KALRN: variants seen among roughly 807,000 people sequenced by gnomAD.
The protein encoded by KALRN is kalirin RhoGEF kinase.
KALRN carries 70 observed loss-of-function variants against 353.7 expected under a neutral mutation model. The observed-to-expected ratio is 0.20, with a 90% CI of 0.16 to 0.24. KALRN has a LOEUF of 0.24. KALRN is among the 10% of genes least tolerant of loss of function. The probability of loss-of-function intolerance (pLI) is 1.00; values close to 1 mark genes in which losing one functional copy is unlikely to be tolerated. For synonymous variants in KALRN, 1,391 were observed against 1,434.8 expected, an observed-to-expected ratio of 0.97 and a Z score of 0.69; for missense variants, 2,791 against 3,756.7, an observed-to-expected ratio of 0.74 and a Z score of 6.72.
intron 21 of KALRN, among the ~76,000 whole-genome samples, 192 bp downstream of exon 21, chr3:124,447,077 G>A (rs913112663): frequency 2.6e-5 from 4 of 152,196 alleles, no homozygotes. Flanking sequence ...CAGCTGCTGG[G>A]TAGAGCAGCT....
intron 10 of KALRN, among the ~76,000 whole-genome samples, chr3:124,377,256 G>A (rs1163890005): frequency 6.6e-6 from 1 of 152,124 alleles, no homozygotes; most frequent in Non-Finnish European, 1.5e-5. Context: ...CTAACACAAT[G>A]CATAGCATAC....
At chr3:124,565,022 CA>C (rs1241640706) in intron 34 of KALRN, among the ~76,000 whole-genome samples, 1 of 152,230 alleles carries the variant, frequency 6.6e-6, no homozygotes, top group Non-Finnish European at 1.5e-5. Flanking sequence ...AGACCTGCTG[CA>C]GGCTTCCTGA....
At chr3:124,341,503 C>G (rs1030861226) in intron 9 of KALRN, among the ~76,000 whole-genome samples, 3 of 152,186 alleles carry the variant, frequency 2.0e-5, no homozygotes, top group Non-Finnish European at 4.4e-5. Flanking sequence ...AACCCATACT[C>G]TTTACATCCC....
intron 1 of KALRN, among the ~76,000 whole-genome samples, chr3:124,203,229 A>G (rs547712696): frequency 6.6e-6 from 1 of 152,242 alleles, no homozygotes; most frequent in East Asian, 1.9e-4. Flanking sequence ...AGGGAGGGAA[A>G]GCTCCCAGGG....
Position 124,128,717 on chromosome 3 carries a change from T to C in KALRN, c.73+94904T>C, listed in dbSNP as rs77015361. On this transcript the variant is annotated intron_variant, in intron 1 of 59. Coordinates refer to ENST00000682506, the MANE Select transcript of KALRN (RefSeq NM_001388419.1). ...AGCTATTTGGAGAAGAAGTGAGCCT[T>C]CTGTAGGGGAGCATTGTAATCCAAG... Among the ~76,000 whole-genome samples the C allele has an allele frequency of 1.4e-3, 207 of 152,206 alleles. 2 individuals are homozygous for C. The East Asian group carries it at 0.035, about 26-fold the overall frequency.
intron 33 of KALRN, chr3:124,518,383 G>C (rs369270229): frequency 6.2e-7 from 1 of 1,608,404 alleles, no homozygotes; most frequent in East Asian, 2.2e-5. Flanking sequence ...CACAGAGCCC[G>C]GCCCTTTTCT....
chr3:124,541,197 C>T (rs1238026225), intron 33 of KALRN, among the ~76,000 whole-genome samples: 2 of 152,138 alleles, frequency 1.3e-5, no homozygotes, highest in Non-Finnish European at 1.5e-5. Context: ...CGCCTGTAAT[C>T]CCAGCACTTT....
At chr3:124,130,630 C>T (rs2065166858) in intron 1 of KALRN, among the ~76,000 whole-genome samples, 2 of 151,716 alleles carry the variant, frequency 1.3e-5, no homozygotes, top group African/African-American at 4.8e-5. Flanking sequence ...CTGGATATAC[C>T]CAATAGATTT....
At chr3:124,208,460 C>T (rs77817240) in intron 1 of KALRN, among the ~76,000 whole-genome samples, 4,614 of 152,092 alleles carry the variant, frequency 0.03, 235 homozygotes, top group African/African-American at 0.11. Context: ...TTGTATATAA[C>T]AAAGTTAAAG....
chr3:124,651,047 A>T lies in KALRN; in HGVS notation c.5795+109A>T. On this transcript the variant is annotated intron_variant, in intron 38 of 59. Coordinates refer to ENST00000682506, the MANE Select transcript of KALRN (RefSeq NM_001388419.1). ...GGTTCCCCACGCTGTTTCCACTGACATCTTTCATTCTAAGACTCAGATCTG... is the reference window on the plus strand; with the variant it reads ...GGTTCCCCACGCTGTTTCCACTGACTTCTTTCATTCTAAGACTCAGATCTG... 2.3e-6 allele frequency: 3 copies of T among 1,331,066 alleles called. No individual in the cohort carries two copies. In the South Asian group the frequency reaches 4.0e-5, roughly 18 times the overall value. 82.5% of individuals were successfully genotyped at this position (1,331,066 alleles called of 1,614,324 possible).
intron 30 of KALRN, 137 bp downstream of exon 30, chr3:124,491,021 C>A (rs2063102110): frequency 1.3e-6 from 1 of 772,694 alleles, no homozygotes; most frequent in African/African-American, 1.7e-5. Flanking sequence ...AAAATGTCTC[C>A]TATTTGGAAA....
chr3:124,268,793 G>A lies in KALRN; in HGVS notation c.507G>A (p.Gln169=), dbSNP rs1255745633. The change falls in exon 5 of 60, where the codon CAG becomes CAA. Residue 169 remains glutamine, a synonymous_variant. Coordinates refer to ENST00000682506, the MANE Select transcript of KALRN (RefSeq NM_001388419.1). ...TCACAAAGCTGGTGGACCCCTCCCA[G>A]CTGACGGAGGAGTTTGATGGCTCCC... ...EGLTKLVDPS[Q]LTEEFDGSLD... 42 of 1,614,054 alleles carry A rather than the reference G, an allele frequency of 2.6e-5. No individual in the cohort carries two copies. The highest frequency in any genetic ancestry group is 3.6e-5 in the Non-Finnish European group (42 of 1,180,024).
intron 58 of KALRN, among the ~76,000 whole-genome samples, chr3:124,714,887 G>C (rs1201508210): frequency 6.6e-6 from 1 of 152,036 alleles, no homozygotes; most frequent in East Asian, 1.9e-4. Context: ...ATGGTGGCAG[G>C]CACCTGTAAT....
intron 3 of KALRN, among the ~76,000 whole-genome samples, chr3:124,251,876 G>A (rs189193853): frequency 6.6e-6 from 1 of 152,304 alleles, no homozygotes; most frequent in African/African-American, 2.4e-5. Flanking sequence ...AAGAGAAAAA[G>A]AGAAACCACC....
At chr3:124,407,278 A>G (rs1225310671) in intron 13 of KALRN, among the ~76,000 whole-genome samples, 1 of 152,196 alleles carries the variant, frequency 6.6e-6, no homozygotes, top group Non-Finnish European at 1.5e-5. Context: ...AATACATAGT[A>G]GTCAGCATTG....
At chr3:124,048,715 C>T (rs1201412523) in intron 1 of KALRN, among the ~76,000 whole-genome samples, 2 of 152,196 alleles carry the variant, frequency 1.3e-5, no homozygotes, top group East Asian at 3.9e-4. Flanking sequence ...ATCTCCTGAT[C>T]TCGTGATCCG....
rs1366808414 is a variant in KALRN, at chr3:124,724,097, GA to G, written c.*4628del. ...ATATTTGCTATCCCATAACCTCCAT[GA>G]TTAGAGCCCACGAGTTAGGCATTAC... is the stretch of plus-strand genomic sequence containing the variant. On this transcript the variant is annotated 3_prime_UTR_variant, in exon 60 of 60. Coordinates refer to ENST00000682506, the MANE Select transcript of KALRN (RefSeq NM_001388419.1). 3 of 151,114 alleles carry G rather than the reference GA, an allele frequency of 2.0e-5. No individual in the cohort carries two copies. Among genetic ancestry groups the G allele is most frequent in the African/African-American group, 7.3e-5 (3 of 41,190 alleles). The allele number at this position is 151,114 out of a possible 1,614,324, so 9.4% of individuals were successfully genotyped here. A position where few individuals can be genotyped will look rare whatever the true frequency, so the allele number is the denominator to read the frequency against.
At chr3:124,370,319 CA>C (rs747352669) in intron 10 of KALRN, among the ~76,000 whole-genome samples, 10 of 148,510 alleles carry the variant, frequency 6.7e-5, no homozygotes, top group East Asian at 2.0e-4. Context: ...TCAAAATTCT[CA>C]AAAAAAAAAT....
intron 33 of KALRN, among the ~76,000 whole-genome samples, chr3:124,499,034 G>T (rs148618769): frequency 6.3e-4 from 96 of 152,280 alleles, no homozygotes; most frequent in South Asian, 3.5e-3. Flanking sequence ...GAGGGGAAGG[G>T]GTGGAGACAG....
Sources: gnomAD v4.1 joint callset for allele counts (sites outside exome capture counted in the v4.1 genomes callset) on GRCh38, gnomAD v4.1.1 for gene constraint, MANE v1.5 for transcripts, NCBI Gene and HGNC (gene_info 2026-07-23, HGNC 2026-07-21) for gene names.